The following RUFY1 variants were observed in gnomAD, a reference collection of about 807,000 sequenced individuals.
RUFY1 encodes RUN and FYVE domain containing 1, also known as RUN and FYVE domain-containing protein 1.
In RUFY1, 54 loss-of-function variants were observed where a neutral mutation model predicts 94.6. That is an observed-to-expected ratio of 0.57 (90% CI 0.46 to 0.72). The LOEUF (loss-of-function observed/expected upper bound fraction) is 0.72. Ranked by LOEUF, RUFY1 falls within the 30% of genes least tolerant of loss-of-function variation. The pLI is 0.00. For missense variants in RUFY1, 883 were observed against 883.9 expected (o/e 1.00, Z 0.01); for synonymous variants, 396 against 347.3 (o/e 1.14, Z -1.56).
chr5:179,588,480 A>G (rs867129252), intron 8 of RUFY1, among the ~76,000 whole-genome samples: 4 of 152,104 alleles, frequency 2.6e-5, no homozygotes, highest in Admixed American at 6.6e-5. Flanking sequence ...CTGCTTCTCT[A>G]TGCTTTTCCC....
chr5:179,552,356 C>A (rs1761908639), intron 1 of RUFY1, among the ~76,000 whole-genome samples: 1 of 152,228 alleles, frequency 6.6e-6, no homozygotes, highest in South Asian at 2.1e-4. Context: ...ATAGCACACA[C>A]TCGAGGCTTC....
intron 2 of RUFY1, among the ~76,000 whole-genome samples, chr5:179,561,061 A>G (rs980066426): frequency 6.6e-6 from 1 of 151,826 alleles, no homozygotes; most frequent in African/African-American, 2.4e-5. Flanking sequence ...CAACACAAAA[A>G]TTAGCCGGGC....
At position 179,569,984 on chromosome 5, in the gene RUFY1, T is replaced by C. The variant is rs572670350; in HGVS notation, c.828+559T>C. Among the ~76,000 whole-genome samples, 5 of 152,238 alleles carry C rather than the reference T, an allele frequency of 3.3e-5. No homozygotes were observed. The East Asian group carries it at 9.7e-4, about 29-fold the overall frequency. Reference sequence around the variant, plus strand: ...TGGTTTCGATCTCCTGACCTCGTGATCCGCCCACCTCGGCCTCCCAAAGTG... The same window carrying C: ...TGGTTTCGATCTCCTGACCTCGTGACCCGCCCACCTCGGCCTCCCAAAGTG... On this transcript the variant is annotated intron_variant, in intron 5 of 17. Coordinates refer to ENST00000319449, the MANE Select transcript of RUFY1 (RefSeq NM_025158.5).
chr5:179,601,602 C>G (rs1398138251), intron 14 of RUFY1, among the ~76,000 whole-genome samples: 1 of 150,480 alleles, frequency 6.6e-6, no homozygotes, highest in Non-Finnish European at 1.5e-5. Context: ...GGGCAGATCA[C>G]GAGGTCAGGA....
chr5:179,600,988 G>A (rs528503919), intron 14 of RUFY1, among the ~76,000 whole-genome samples: 7 of 151,692 alleles, frequency 4.6e-5, no homozygotes, highest in East Asian at 2.0e-4. Context: ...GAGCCACTGC[G>A]CCCAGCTGAG....
At chr5:179,580,235 G>GTA (rs1483008914) in intron 6 of RUFY1, among the ~76,000 whole-genome samples, 254 of 53,460 alleles carry the variant, frequency 4.8e-3, no homozygotes, top group African/African-American at 0.015. Context: ...GTGTGTGTGT[G>GTA]TGTGTGTATA....
chr5:179,550,662 G>C lies in RUFY1; in HGVS notation c.93G>C (p.Glu31Asp). 3.4e-6 allele frequency: 5 copies of C among 1,484,004 alleles called. No homozygotes were observed. Among genetic ancestry groups the C allele is most frequent in the Non-Finnish European group, 4.5e-6 (5 of 1,123,290 alleles). 91.9% of individuals were successfully genotyped at this position (1,484,004 alleles called of 1,614,324 possible). The change falls in exon 1 of 18, where the codon GAG (glutamate) becomes GAC (aspartate). Residue 31 changes from glutamate (E) to aspartate (D), a missense_variant. Coordinates refer to ENST00000319449, the MANE Select transcript of RUFY1 (RefSeq NM_025158.5). ...GGCCGGGGCCCGGGTCAGCGCTTGA[G>C]CCGGGAGAAGAGTTTGAGATCGTGG... is the stretch of plus-strand genomic sequence containing the variant. ...EPGPGPGSAL[E>D]PGEEFEIVDR...
Position 179,598,839 on chromosome 5 carries a change from G to T in RUFY1, c.1761+18G>T. The T allele has an allele frequency of 6.2e-7, 1 of 1,613,804 alleles. No individual in the cohort carries two copies. ...TGAAAAAGGTGAGGTGGGCCATCCC[G>T]GGAGAGGAGAGCCTCTGGCAGCCTC... On this transcript the variant is annotated intron_variant, in intron 14 of 17. Coordinates refer to ENST00000319449, the MANE Select transcript of RUFY1 (RefSeq NM_025158.5).
intron 5 of RUFY1, among the ~76,000 whole-genome samples, chr5:179,571,469 A>G (rs1763218702): frequency 6.7e-6 from 1 of 150,368 alleles, no homozygotes. Context: ...ACTGCATTGC[A>G]CTCCAGTCTG....
chr5:179,592,466 C>T (rs1765198591), intron 10 of RUFY1, among the ~76,000 whole-genome samples: 1 of 152,028 alleles, frequency 6.6e-6, no homozygotes. Context: ...CTTGGGCAGG[C>T]TGGTCTTGAA....
rs1340493306 is a variant in RUFY1, at chr5:179,598,596, CAG to C, written c.1632-92_1632-91del. The C allele has an allele frequency of 4.1e-6, 6 of 1,447,422 alleles. No homozygotes were observed. The African/African-American group carries it at 5.6e-5, about 14-fold the overall frequency. 89.7% of individuals were successfully genotyped at this position (1,447,422 alleles called of 1,614,324 possible). A position where few individuals can be genotyped will look rare whatever the true frequency, so the allele number is the denominator to read the frequency against. On this transcript the variant is annotated intron_variant, in intron 13 of 17. Coordinates refer to ENST00000319449, the MANE Select transcript of RUFY1 (RefSeq NM_025158.5). ...GGCTTTAGATGCTCAAGAGGCAATT[CAG>C]AGACTTCCCTGTTTCCTGGGCGGTG...
chr5:179,580,449 A>G (rs915702717), intron 6 of RUFY1, among the ~76,000 whole-genome samples: 1 of 151,340 alleles, frequency 6.6e-6, no homozygotes, highest in Non-Finnish European at 1.5e-5. Flanking sequence ...TCACCGTGTT[A>G]GCCAGGATGG....
chr5:179,555,646 T>TTTA, intron 1 of RUFY1: 3 of 203,790 alleles, frequency 1.5e-5, no homozygotes, highest in South Asian at 3.8e-5. Context: ...TTTTTTTTTT[T>TTTA]GAGCCGGCGT....
intron 8 of RUFY1, chr5:179,589,277 T>C (rs1295512857): frequency 2.3e-5 from 9 of 388,042 alleles, no homozygotes; most frequent in African/African-American, 1.6e-4. Flanking sequence ...TTTGTCCACA[T>C]TCAGCAATAT....
chr5:179,591,472 A>T (rs899022619), intron 9 of RUFY1, among the ~76,000 whole-genome samples, 153 bp from the exon 10 acceptor site: 1 of 152,176 alleles, frequency 6.6e-6, no homozygotes, highest in Non-Finnish European at 1.5e-5. Flanking sequence ...GCGTGAGCCA[A>T]TGCGCCCAGC....
chr5:179,605,859 CT>C lies in RUFY1; in HGVS notation c.1857-7del, dbSNP rs751564755. 1.0e-3 allele frequency: 1,422 copies of C among 1,382,428 alleles called. No individual in the cohort carries two copies. The highest frequency in any genetic ancestry group is 1.1e-3 in the Non-Finnish European group (1,113 of 1,004,066). 85.6% of individuals were successfully genotyped at this position (1,382,428 alleles called of 1,614,324 possible). On this transcript the variant is annotated splice_polypyrimidine_tract_variant and intron_variant, in intron 15 of 17. Coordinates refer to ENST00000319449, the MANE Select transcript of RUFY1 (RefSeq NM_025158.5). Reference sequence around the variant, plus strand: ...CTCTCTCTCACTGCTATGAAATGGCCTTTTTTTTTTCCTTAGGTCCAAGCTG... The same window carrying C: ...CTCTCTCTCACTGCTATGAAATGGCCTTTTTTTTTCCTTAGGTCCAAGCTG...
intron 15 of RUFY1, among the ~76,000 whole-genome samples, chr5:179,604,520 C>CT (rs1766832012): frequency 6.6e-6 from 1 of 152,152 alleles, no homozygotes; most frequent in South Asian, 2.1e-4. Flanking sequence ...AGGGAAGGAG[C>CT]TGCCTCCCGA....
chr5:179,596,187 C>T (rs945282746), intron 12 of RUFY1: 4 of 310,762 alleles, frequency 1.3e-5, no homozygotes, highest in African/African-American at 2.3e-5. Context: ...CCTTTCAGGA[C>T]GTTCAGAGAG....
rs939340287 is a variant in RUFY1, at chr5:179,591,485, A to G, written c.1129-140A>G. Reference sequence around the variant, plus strand: ...AGGCGTGAGCCAATGCGCCCAGCCAAGTTTTAACCTTTTTCTACCATGCTT... The same window carrying G: ...AGGCGTGAGCCAATGCGCCCAGCCAGGTTTTAACCTTTTTCTACCATGCTT... On this transcript the variant is annotated intron_variant, in intron 9 of 17. Transcript: ENST00000319449. 5 of 633,528 alleles carry G rather than the reference A, an allele frequency of 7.9e-6. No homozygotes were observed. The African/African-American group carries it at 9.4e-5, about 12-fold the overall frequency. The allele number at this position is 633,528 out of a possible 1,614,324, so 39.2% of individuals were successfully genotyped here. A position where few individuals can be genotyped will look rare whatever the true frequency, so the allele number is the denominator to read the frequency against.
Sources: allele counts gnomAD v4.1 joint callset (sites outside exome capture counted in the v4.1 genomes callset), GRCh38; gene constraint gnomAD v4.1.1; transcripts MANE v1.5; gene names NCBI Gene and HGNC (gene_info 2026-07-23, HGNC 2026-07-21).